The following SMG6 variants were observed in gnomAD, a reference collection of about 807,000 sequenced individuals.
SMG6 encodes telomerase-binding protein EST1A.
SMG6 carries 66 observed loss-of-function variants against 142.2 expected under a neutral mutation model. The observed-to-expected ratio is 0.46, with a 90% CI of 0.38 to 0.57. SMG6 has a LOEUF of 0.57. Ranked by LOEUF, SMG6 falls within the 20% of genes least tolerant of loss-of-function variation. The probability of loss-of-function intolerance (pLI) is 0.00; values close to 1 mark genes in which losing one functional copy is unlikely to be tolerated. For synonymous variants in SMG6, 779 were observed against 702.4 expected, an observed-to-expected ratio of 1.11 and a Z score of -1.72; for missense variants, 1,793 against 1,832.0, an observed-to-expected ratio of 0.98 and a Z score of 0.39.
At chr17:2,297,390 A>C (rs998415847) in intron 3 of SMG6, 37 bp from the exon 4 acceptor site, 13 of 1,495,984 alleles carry the variant, frequency 8.7e-6, no homozygotes, top group Non-Finnish European at 1.2e-5. Flanking sequence ...GAATCAATCT[A>C]TTCTAATCCA....
chr17:2,156,352 C>T (rs1341046264), intron 13 of SMG6, among the ~76,000 whole-genome samples: 2 of 127,040 alleles, frequency 1.6e-5, no homozygotes, highest in African/African-American at 3.0e-5. Flanking sequence ...TGAGATTGCA[C>T]CACTGTACTT....
chr17:2,130,530 T>C (rs986117306), intron 13 of SMG6, among the ~76,000 whole-genome samples: 5 of 151,630 alleles, frequency 3.3e-5, no homozygotes, highest in African/African-American at 1.2e-4. Flanking sequence ...GGAAACCTGC[T>C]TTACAAAATA....
At chr17:2,123,751 C>A (rs2069778011) in intron 13 of SMG6, among the ~76,000 whole-genome samples, 1 of 152,152 alleles carries the variant, frequency 6.6e-6, no homozygotes, top group Admixed American at 6.5e-5. Flanking sequence ...GGGTGTGGAT[C>A]TTGGATGGAG....
At chr17:2,235,678 T>A (rs1009063095) in intron 10 of SMG6, 1 of 152,546 alleles carries the variant, frequency 6.6e-6, no homozygotes, top group Non-Finnish European at 1.5e-5. Flanking sequence ...CAAATTACCC[T>A]TGCGAACAGA....
intron 12 of SMG6, among the ~76,000 whole-genome samples, chr17:2,181,891 G>A (rs898749): frequency 0.36 from 54,224 of 152,100 alleles, 10,372 homozygotes; most frequent in African/African-American, 0.5. Context: ...TTCCTCAGCC[G>A]AACAAAAGCC....
chr17:2,247,276 T>A (rs554547865), intron 8 of SMG6, among the ~76,000 whole-genome samples: 31 of 152,166 alleles, frequency 2.0e-4, no homozygotes, highest in African/African-American at 7.5e-4. Context: ...TATGTGGGAG[T>A]TTTTTGTGTT....
chr17:2,248,050 G>A (rs2073962770), intron 8 of SMG6, among the ~76,000 whole-genome samples: 1 of 151,680 alleles, frequency 6.6e-6, no homozygotes, highest in Admixed American at 6.6e-5. Context: ...AGGCTGCAGT[G>A]AGCCGAGATC....
chr17:2,226,759 G>T (rs966669506), intron 10 of SMG6, among the ~76,000 whole-genome samples: 1 of 151,994 alleles, frequency 6.6e-6, no homozygotes, highest in African/African-American at 2.4e-5. Flanking sequence ...GCCAGGCGTG[G>T]TGGTGAGTAC....
intron 9 of SMG6, among the ~76,000 whole-genome samples, chr17:2,243,239 T>C (rs990007767): frequency 1.3e-5 from 2 of 152,192 alleles, no homozygotes; most frequent in African/African-American, 2.4e-5. Flanking sequence ...CTTACCCAGG[T>C]TGATACCAAA....
chr17:2,223,013 G>T (rs780204875), intron 10 of SMG6, among the ~76,000 whole-genome samples: 1 of 152,218 alleles, frequency 6.6e-6, no homozygotes, highest in Admixed American at 6.5e-5. Context: ...ACAGGATGAC[G>T]TCACAGGTGT....
chr17:2,080,789 C>T (rs1360464393), intron 15 of SMG6, among the ~76,000 whole-genome samples: 1 of 152,236 alleles, frequency 6.6e-6, no homozygotes, highest in East Asian at 1.9e-4. Context: ...GTGTGCACCA[C>T]CATGCCCAGC....
chr17:2,289,578 T>C (rs1597793942), intron 6 of SMG6, among the ~76,000 whole-genome samples: 1 of 151,966 alleles, frequency 6.6e-6, no homozygotes, highest in East Asian at 1.9e-4. Flanking sequence ...TACACACATA[T>C]ATATGTGGGT....
intron 6 of SMG6, among the ~76,000 whole-genome samples, chr17:2,285,993 TAGAG>T (rs529717745): frequency 4.6e-5 from 7 of 151,626 alleles, no homozygotes; most frequent in Non-Finnish European, 1.0e-4. Flanking sequence ...TCTAAAAAAA[TAGAG>T]AGAAAGACAG....
chr17:2,260,679 G>GA (rs374344011), intron 8 of SMG6, among the ~76,000 whole-genome samples: 2 of 152,132 alleles, frequency 1.3e-5, no homozygotes, highest in African/African-American at 4.8e-5. Flanking sequence ...TAAACGTATA[G>GA]AAAAAAATTT....
At chr17:2,257,887 T>C (rs2151327039) in intron 8 of SMG6, among the ~76,000 whole-genome samples, 1 of 151,524 alleles carries the variant, frequency 6.6e-6, no homozygotes, top group Admixed American at 6.6e-5. Flanking sequence ...CACATGCCTG[T>C]AGTCCCAGCT....
intron 8 of SMG6, among the ~76,000 whole-genome samples, chr17:2,273,228 A>G (rs1233482742): frequency 1.3e-5 from 2 of 152,176 alleles, no homozygotes; most frequent in African/African-American, 2.4e-5. Flanking sequence ...ACAAGGTTAT[A>G]TAACTGGTCA....
chr17:2,114,105 T>TA (rs551197320), intron 13 of SMG6, among the ~76,000 whole-genome samples: 55 of 151,766 alleles, frequency 3.6e-4, no homozygotes, highest in African/African-American at 1.2e-3. Context: ...CCGTCTCTAC[T>TA]AAAAAAATAC....
chr17:2,273,153 GCTCT>G lies in SMG6; in HGVS notation c.2661+9490_2661+9493del, dbSNP rs1265075151. On this transcript the variant is annotated intron_variant, in intron 8 of 18. Coordinates refer to ENST00000263073, the MANE Select transcript of SMG6 (RefSeq NM_017575.5). ...GAGTTATAGTGCTGTTAGGCAGTGA[GCTCT>G]CTGTTAATGAATTAATAATATATAT... Among the ~76,000 whole-genome samples, 5 of 152,230 alleles carry G rather than the reference GCTCT, an allele frequency of 3.3e-5. No individual in the cohort carries two copies. The East Asian group carries it at 7.7e-4, about 24-fold the overall frequency.
At chr17:2,067,391 C>G (rs1483864950) in intron 16 of SMG6, among the ~76,000 whole-genome samples, 2 of 152,176 alleles carry the variant, frequency 1.3e-5, no homozygotes. Context: ...TCTTAGGGGG[C>G]TCCTGAGATG....
Sources: gnomAD v4.1 joint callset for allele counts (sites outside exome capture counted in the v4.1 genomes callset) on GRCh38, gnomAD v4.1.1 for gene constraint, MANE v1.5 for transcripts, NCBI Gene and HGNC (gene_info 2026-07-23, HGNC 2026-07-21) for gene names.